The following FLNB variants were observed in gnomAD, a reference collection of about 807,000 sequenced individuals.
FLNB encodes the protein filamin B, also known as filamin-B.
FLNB carries 111 observed loss-of-function variants against 250.6 expected under a neutral mutation model. The observed-to-expected ratio is 0.44, with a 90% confidence interval of 0.38 to 0.52. The LOEUF is 0.52. Among genes scored for constraint, FLNB ranks in the 20% least tolerant of loss-of-function variants. FLNB has a pLI of 0.00. For missense variants in FLNB, 2,869 were observed against 3,447.8 expected (o/e 0.83, Z 4.20); for synonymous variants, 1,302 against 1,372.1 (o/e 0.95, Z 1.13).
In FLNB at chr3:58,138,473, G is replaced by A. The variant is rs2107233788; in HGVS notation, c.5053G>A (p.Val1685Met). 1.9e-6 allele frequency: 3 copies of A among 1,613,992 alleles called. No individual in the cohort carries two copies. Among genetic ancestry groups the A allele is most frequent in the Non-Finnish European group, 1.7e-6 (2 of 1,179,820 alleles). The change falls in exon 29 of 46, where the codon GTG becomes ATG. Residue 1685 changes from valine (V) to methionine (M), a missense_variant. Val to Met is a conservative substitution (Grantham distance 21). Transcript: ENST00000295956. ...FYTAAKPGTY[V>M]IYVRFGGVDI... ...CACAGCTGCCAAGCCGGGCACATAT[G>A]TGATCTATGTGCGCTTCGGTGGTGT... is the stretch of plus-strand genomic sequence containing the variant.
At chr3:58,147,056 C>T in intron 34 of FLNB, 63 bp downstream of exon 34, 1 of 1,545,322 alleles carries the variant, frequency 6.5e-7, no homozygotes, top group Non-Finnish European at 8.9e-7. Context: ...GACTGCCACC[C>T]TCCTTATCAG....
chr3:58,152,787 G>C, intron 38 of FLNB: 1 of 1,327,290 alleles, frequency 7.5e-7, no homozygotes, highest in Non-Finnish European at 9.9e-7. Context: ...GGTGATGGCA[G>C]TGCTCCGTGC....
At chr3:58,067,955 G>A (rs756364748) in intron 1 of FLNB, among the ~76,000 whole-genome samples, 54 of 152,306 alleles carry the variant, frequency 3.5e-4, no homozygotes, top group Non-Finnish European at 3.1e-4. Flanking sequence ...CTTCAGGTTG[G>A]CAGGGCATCT....
intron 32 of FLNB, 64 bp downstream of exon 32, chr3:58,143,677 C>T (rs1179269052): frequency 6.3e-7 from 1 of 1,595,412 alleles, no homozygotes; most frequent in Non-Finnish European, 8.6e-7. Context: ...AGCCTGCAGA[C>T]ACTCCTCAGC....
At position 58,130,794 on chromosome 3, in the gene FLNB, A is replaced by G; in HGVS notation, c.4276A>G (p.Ile1426Val). 6.2e-7 allele frequency: 1 copy of G among 1,613,832 alleles called. No individual in the cohort carries two copies. The highest frequency in any genetic ancestry group is 1.7e-5 in the Admixed American group (1 of 60,008). Residue 1426 changes from isoleucine (I) to valine (V), a missense_variant, in exon 25 of 46, where the codon ATT becomes GTT. Around this residue, in one of 5 missense-constraint regions of FLNB, gnomAD observed 1,348 missense variants for 1,466.7 expected, o/e 0.92. Transcript: ENST00000295956. ...KDVVDPSKVKIAGPGLGSGVR... is the reference protein window; with the variant it reads ...KDVVDPSKVKVAGPGLGSGVR... ...TGTTGTGGACCCCAGCAAGGTCAAG[A>G]TTGCCGGCCCCGGGCTGGGCTCAGG...
chr3:58,026,821 A>G (rs371727132), intron 1 of FLNB, among the ~76,000 whole-genome samples: 1 of 152,216 alleles, frequency 6.6e-6, no homozygotes, highest in Non-Finnish European at 1.5e-5. Flanking sequence ...TGGTGTAGCC[A>G]GGGAACGCCC....
In FLNB at chr3:58,150,075, TGCTCACAGGA is replaced by T. The variant is rs2097342321; in HGVS notation, c.6245-27_6245-18del. 1 of 1,614,178 alleles carries T rather than the reference TGCTCACAGGA, an allele frequency of 6.2e-7. No homozygotes were observed. Among genetic ancestry groups the T allele is most frequent in the African/African-American group, 1.3e-5 (1 of 74,960 alleles). On this transcript the variant is annotated intron_variant, in intron 37 of 45. Coordinates refer to ENST00000295956, the MANE Select transcript of FLNB (RefSeq NM_001457.4). ...AAATGCTGTGCCTTGGCCTCTGGCC[TGCTCACAGGA>T]GCCTTCTTGGGTCTTGCAGGGAGCC... is the stretch of plus-strand genomic sequence containing the variant.
rs2097296405 is a variant in FLNB, at chr3:58,125,595, G to A, written c.3913G>A (p.Glu1305Lys). The A allele has an allele frequency of 1.2e-6, 2 of 1,614,184 alleles. No homozygotes were observed. Among genetic ancestry groups the A allele is most frequent in the Admixed American group, 1.7e-5 (1 of 60,026 alleles). ...TPFEKGLHVVEVTYDDVPIPN... is the reference protein window; with the variant it reads ...TPFEKGLHVVKVTYDDVPIPN... ...GTTTTGAGCAGGTCTCCATGTAGTG[G>A]AGGTGACATATGATGACGTGCCTAT... Residue 1305 changes from glutamate (E) to lysine (K), a missense_variant, in exon 23 of 46, where the codon GAG becomes AAG. By Grantham distance (56) the Glu-to-Lys change is moderately conservative. This residue lies in a region of FLNB where 1,348 missense variants were observed against 1,466.7 expected (regional missense o/e 0.92). Coordinates refer to ENST00000295956, the MANE Select transcript of FLNB (RefSeq NM_001457.4).
chr3:58,149,446 C>T, intron 36 of FLNB: 1 of 297,222 alleles, frequency 3.4e-6, no homozygotes, highest in Non-Finnish European at 6.4e-6. Flanking sequence ...TTCGGATATG[C>T]TGACCTAGCT....
chr3:58,111,245 T>C (rs2097268148), intron 16 of FLNB, among the ~76,000 whole-genome samples: 1 of 152,332 alleles, frequency 6.6e-6, no homozygotes, highest in Admixed American at 6.5e-5. Flanking sequence ...TTTGAAATCC[T>C]AGGGATTAAA....
chr3:58,133,593 G>A (rs1245281044), intron 26 of FLNB, among the ~76,000 whole-genome samples: 5 of 151,704 alleles, frequency 3.3e-5, no homozygotes, highest in African/African-American at 1.2e-4. Flanking sequence ...TTACTTCAGG[G>A]TTTGCTTGAT....
intron 41 of FLNB, among the ~76,000 whole-genome samples, chr3:58,158,232 A>G (rs2097356231): frequency 6.6e-6 from 1 of 152,250 alleles, no homozygotes; most frequent in African/African-American, 2.4e-5. Flanking sequence ...AGTGATCAAA[A>G]TGCTTCAAGT....
intron 8 of FLNB, among the ~76,000 whole-genome samples, chr3:58,100,250 G>T (rs1406810946): frequency 6.6e-6 from 1 of 151,286 alleles, no homozygotes; most frequent in Non-Finnish European, 1.5e-5. Context: ...CTCACTCGTG[G>T]ACTTCCTTTT....
At chr3:58,094,779 A>G (rs2097235111) in intron 4 of FLNB, 57 bp from the exon 5 acceptor site, 7 of 1,432,666 alleles carry the variant, frequency 4.9e-6, no homozygotes, top group Non-Finnish European at 5.9e-6. Flanking sequence ...GCAGTGGGCG[A>G]TGGCTCATGA....
rs10540627 is a variant in FLNB at position 58,106,352 on chromosome 3, C to CTATATATATATATATATA, written c.1748-320_1748-303dup. 7.4e-3 allele frequency among the ~76,000 whole-genome samples: 987 copies of CTATATATATATATATATA among 132,792 alleles called. 13 individuals are homozygous for CTATATATATATATATATA. Among genetic ancestry groups the CTATATATATATATATATA allele is most frequent in the Middle Eastern group, 0.035 (9 of 260 alleles). 87.1% of individuals were successfully genotyped at this position (132,792 alleles called of 152,430 possible). A position where few individuals can be genotyped will look rare whatever the true frequency, so the allele number is the denominator to read the frequency against. ...TAAAATACATATAATGTATTTAATA[C>CTATATATATATATATATA]TATATATATATATATATATATATAT... On this transcript the variant is annotated intron_variant, in intron 11 of 45. Coordinates refer to ENST00000295956, the MANE Select transcript of FLNB (RefSeq NM_001457.4).
Position 58,149,912 on chromosome 3 carries a change from C to T in FLNB, c.6154C>T (p.Leu2052=), listed in dbSNP as rs372726521. The change falls in exon 37 of 46, where the codon CTG becomes TTG. Residue 2052 remains leucine (L), a synonymous_variant. Transcript: ENST00000295956. ...PSKVDIQTED[L]EDGTCKVSYF... ...CAAAGTGGACATCCAGACGGAGGACCTGGAAGATGGCACCTGCAAAGTCTC... is the reference window on the plus strand; with the variant it reads ...CAAAGTGGACATCCAGACGGAGGACTTGGAAGATGGCACCTGCAAAGTCTC... 9 of 1,614,232 alleles carry T rather than the reference C, an allele frequency of 5.6e-6. No individual in the cohort carries two copies. The African/African-American group carries it at 1.2e-4, about 22-fold the overall frequency.
chr3:58,093,958 C>T (rs1198665905), intron 4 of FLNB, among the ~76,000 whole-genome samples: 1 of 152,008 alleles, frequency 6.6e-6, no homozygotes, highest in Non-Finnish European at 1.5e-5. Context: ...GTTATCAGGG[C>T]TAAGGAGAGT....
At position 58,038,014 on chromosome 3, in the gene FLNB, ATTGT is replaced by A. The variant is rs367976181; in HGVS notation, c.292+29185_292+29188del. On this transcript the variant is annotated intron_variant, in intron 1 of 45. Transcript: ENST00000295956. ...GACTTTGAGCCTGAGGCCTGTTCTT[ATTGT>A]TTGTTTGTTTGTTTGTTTGTTTGTT... Among the ~76,000 whole-genome samples the A allele has an allele frequency of 7.5e-3, 1,148 of 152,096 alleles. 10 individuals carry two copies. Among genetic ancestry groups the A allele is most frequent in the African/African-American group, 0.024 (1,008 of 41,504 alleles).
At chr3:58,150,666 C>G (rs1448584076) in intron 38 of FLNB, 1 of 262,388 alleles carries the variant, frequency 3.8e-6, no homozygotes, top group Non-Finnish European at 7.4e-6. Context: ...GCAGAACTCG[C>G]TGGGCCACAT....
Sources: gnomAD v4.1 joint callset for allele counts (sites outside exome capture counted in the v4.1 genomes callset) on GRCh38, gnomAD v4.1.1 for gene constraint, gnomAD v4.1.1 regional missense constraint, MANE v1.5 for transcripts, NCBI Gene and HGNC (gene_info 2026-07-23, HGNC 2026-07-21) for gene names.